MORC2: variants seen among roughly 807,000 people sequenced by gnomAD.
The protein encoded by MORC2 is ATPase MORC2.
Under a neutral mutation model 136.0 loss-of-function variants are expected in MORC2, and 30 were observed. The ratio of observed to expected loss-of-function variants is 0.22; its 90% CI spans 0.17 to 0.30. The LOEUF is 0.30. Among genes scored for constraint, MORC2 ranks in the 10% least tolerant of loss-of-function variants. MORC2 has a pLI of 1.00. For synonymous variants in MORC2, 439 were observed against 487.0 expected, an observed-to-expected ratio of 0.90 and a Z score of 1.30; for missense variants, 922 against 1,333.1, an observed-to-expected ratio of 0.69 and a Z score of 4.80.
intron 5 of MORC2, among the ~76,000 whole-genome samples, chr22:30,947,678 T>C (rs1383860808): frequency 6.6e-6 from 1 of 152,126 alleles, no homozygotes; most frequent in Non-Finnish European, 1.5e-5. Context: ...CAATGCTCCT[T>C]GCCCTGAAAA....
intron 4 of MORC2, 24 bp downstream of exon 4, chr22:30,950,353 C>CCAACAAA: frequency 6.7e-7 from 1 of 1,481,960 alleles, no homozygotes; most frequent in Non-Finnish European, 9.4e-7. Flanking sequence ...CCCCACCCCC[C>CCAACAAA]AAAACAATAA....
At chr22:30,967,057 A>C in intron 1 of MORC2, 1 of 973,574 alleles carries the variant, frequency 1.0e-6, no homozygotes, top group Non-Finnish European at 1.2e-6. Context: ...AGAATGTTAG[A>C]ACACTTACCT....
At chr22:30,939,824 A>G (rs2040714087) in intron 11 of MORC2, 118 bp from the exon 12 acceptor site, 1 of 1,343,872 alleles carries the variant, frequency 7.4e-7, no homozygotes, top group African/African-American at 1.5e-5. Flanking sequence ...ACACCTGGAA[A>G]TTTACTTCTT....
intron 24 of MORC2, chr22:30,930,043 G>C (rs988631831): frequency 1.3e-5 from 2 of 152,166 alleles, no homozygotes; most frequent in African/African-American, 4.8e-5. Context: ...TTGTAGTAGA[G>C]ATGGGGTTTC....
Position 30,932,648 on chromosome 22 carries a change from C to T in MORC2, c.2644G>A (p.Ala882Thr), listed in dbSNP as rs372199572. The change falls in exon 23 of 26, where the codon GCT (alanine) becomes ACT (threonine). Residue 882 changes from alanine to threonine, a missense_variant. Ala to Thr is a moderately conservative substitution (Grantham distance 58). Around this residue, in one of 9 missense-constraint regions of MORC2, gnomAD observed 263 missense variants for 388.3 expected, o/e 0.68. Coordinates refer to ENST00000397641, the MANE Select transcript of MORC2 (RefSeq NM_001303256.3). The surrounding 1 kb of genome is among the most constrained non-coding windows in gnomAD (Gnocchi z 4.4). ...TCGGAAGTGGAGGGCTCTGCGACAG[C>T]TATGGCCTGCTGGGCCACAGGGCCC... ...EVGPVAQQAI[A>T]VAEPSTSECL... 19 of 1,614,078 alleles carry T rather than the reference C, an allele frequency of 1.2e-5. No individual in the cohort carries two copies. In the African/African-American group the frequency reaches 1.3e-4, roughly 11 times the overall value.
Position 30,928,094 on chromosome 22 carries a change from C to T in MORC2, c.2955G>A (p.Arg985=), listed in dbSNP as rs768195452. ...GCTTCTCCTCCGTCTCGCGGAGCTT[C>T]CTCTCGGAGGTGCGCAGGCTTTCCT... ...ASEESLRTSE[R]KLRETEEKLQ... is the part of the protein sequence containing the mutation. Residue 985 remains arginine, a synonymous_variant, in exon 25 of 26, where the codon AGG becomes AGA. Transcript: ENST00000397641. The T allele has an allele frequency of 6.2e-7, 1 of 1,614,156 alleles. No individual in the cohort carries two copies. The highest frequency in any genetic ancestry group is 2.2e-5 in the East Asian group (1 of 44,874).
intron 1 of MORC2, chr22:30,967,341 T>C (rs1455272940): frequency 2.0e-6 from 2 of 987,588 alleles, no homozygotes; most frequent in East Asian, 1.1e-4. Context: ...GCCAGGAAGA[T>C]AATGCCAACT....
chr22:30,936,395 G>GC, intron 17 of MORC2, 116 bp downstream of exon 17: 1 of 1,421,538 alleles, frequency 7.0e-7, no homozygotes, highest in Non-Finnish European at 9.5e-7. Flanking sequence ...GGCAAACAAC[G>GC]CGGGTGAGTG....
chr22:30,956,873 G>T, intron 2 of MORC2, 76 bp from the exon 3 acceptor site: 1 of 1,181,536 alleles, frequency 8.5e-7, no homozygotes, highest in Admixed American at 2.2e-5. Flanking sequence ...GATTTGAGTA[G>T]AATGCAGAGT....
At chr22:30,959,090 A>G (rs1009135603) in intron 1 of MORC2, among the ~76,000 whole-genome samples, 3 of 152,260 alleles carry the variant, frequency 2.0e-5, no homozygotes, top group Non-Finnish European at 4.4e-5. Flanking sequence ...TTAAGGATAT[A>G]TCTTATGCAT....
chr22:30,967,847 T>C lies in MORC2; in HGVS notation c.43A>G (p.Thr15Ala). The C allele has an allele frequency of 6.4e-7, 1 of 1,551,194 alleles. No individual in the cohort carries two copies. The highest frequency in any genetic ancestry group is 8.7e-7 in the Non-Finnish European group (1 of 1,147,092). ...GAATTTGTGTGCAGATATTCAAAGG[T>C]TAGCTGAGCTCGATTCAGACTGCTG... is the stretch of plus-strand genomic sequence containing the variant. ...NYSSLNRAQL[T>A]FEYLHTNSTT... is the part of the protein sequence containing the mutation. The change falls in exon 1 of 26, where the codon ACC becomes GCC. Residue 15 changes from threonine to alanine, a missense_variant. Around this residue, in one of 9 missense-constraint regions of MORC2, gnomAD observed 17 missense variants for 16.8 expected, o/e 1.01. Coordinates refer to ENST00000397641, the MANE Select transcript of MORC2 (RefSeq NM_001303256.3).
In MORC2 at chr22:30,953,136, T is replaced by C. The variant is rs555844656; in HGVS notation, c.158-2691A>G. On this transcript the variant is annotated intron_variant, in intron 3 of 25. Coordinates refer to ENST00000397641, the MANE Select transcript of MORC2 (RefSeq NM_001303256.3). ...GTCCCTGCTCAAAACTATCTCCTCATATATTCCACCATAGAGATAGATTCC... is the reference window on the plus strand; with the variant it reads ...GTCCCTGCTCAAAACTATCTCCTCACATATTCCACCATAGAGATAGATTCC... Among the ~76,000 whole-genome samples, 7 of 152,344 alleles carry C rather than the reference T, an allele frequency of 4.6e-5. No homozygotes were observed. In the South Asian group the frequency reaches 1.5e-3, roughly 32 times the overall value.
chr22:30,964,248 T>C (rs78242670), intron 1 of MORC2, among the ~76,000 whole-genome samples: 2 of 152,036 alleles, frequency 1.3e-5, no homozygotes, highest in Non-Finnish European at 2.9e-5. Flanking sequence ...TCCCAGCTAC[T>C]TGGAAGGCTG....
intron 24 of MORC2, among the ~76,000 whole-genome samples, chr22:30,931,688 C>T (rs2040577796): frequency 6.6e-6 from 1 of 152,220 alleles, no homozygotes; most frequent in Non-Finnish European, 1.5e-5. Context: ...TTTCTTCCAA[C>T]TCAGTTGCTC....
chr22:30,942,949 G>A (rs2040762239), intron 6 of MORC2, among the ~76,000 whole-genome samples: 1 of 152,164 alleles, frequency 6.6e-6, no homozygotes, highest in African/African-American at 2.4e-5. Flanking sequence ...AGGTTGCAGT[G>A]AGCTGAGATC....
Position 30,939,616 on chromosome 22 carries a change from C to T in MORC2, c.1073+5G>A. The T allele has an allele frequency of 6.2e-7, 1 of 1,614,010 alleles. No individual in the cohort carries two copies. Among genetic ancestry groups the T allele is most frequent in the Non-Finnish European group, 8.5e-7 (1 of 1,179,934 alleles). On this transcript the variant is annotated splice_donor_5th_base_variant and intron_variant, in intron 12 of 25. Transcript: ENST00000397641. Reference sequence around the variant, plus strand: ...AAAAGATCCAAGGACAGGCCTGGCACTCACCGCTGCTTGGCCTCCTTGATC... The same window carrying T: ...AAAAGATCCAAGGACAGGCCTGGCATTCACCGCTGCTTGGCCTCCTTGATC...
chr22:30,946,691 CCA>C (rs1451135679), intron 5 of MORC2, among the ~76,000 whole-genome samples: 1 of 151,994 alleles, frequency 6.6e-6, no homozygotes, highest in Non-Finnish European at 1.5e-5. Flanking sequence ...ACGTTCTCAA[CCA>C]CACCATACAG....
At chr22:30,943,734 T>A (rs959170750) in intron 6 of MORC2, among the ~76,000 whole-genome samples, 1 of 152,102 alleles carries the variant, frequency 6.6e-6, no homozygotes, top group African/African-American at 2.4e-5. Flanking sequence ...TTGCTGGGTT[T>A]TTTTATTTTA....
chr22:30,957,588 C>A (rs2040984868), intron 2 of MORC2, among the ~76,000 whole-genome samples: 1 of 152,166 alleles, frequency 6.6e-6, no homozygotes, highest in African/African-American at 2.4e-5. Context: ...AATACATACT[C>A]CTAAGAATCT....
Sources: gnomAD v4.1 joint callset for allele counts (sites outside exome capture counted in the v4.1 genomes callset) on GRCh38, gnomAD v4.1.1 for gene constraint, gnomAD v4.1.1 regional missense constraint, Gnocchi (gnomAD v3.1) non-coding constraint, MANE v1.5 for transcripts, NCBI Gene and HGNC (gene_info 2026-07-23, HGNC 2026-07-21) for gene names.